The following C5 variants were observed in gnomAD, a reference collection of about 807,000 sequenced individuals.
The protein encoded by C5 is complement C5.
C5 carries 140 observed loss-of-function variants against 218.8 expected under a neutral mutation model. The ratio of observed to expected loss-of-function variants is 0.64; its 90% CI spans 0.56 to 0.74. C5 has a LOEUF of 0.74. C5 is among the 30% of genes least tolerant of loss of function. The pLI is 0.00. For synonymous variants in C5, 614 were observed against 682.3 expected (o/e 0.90, Z 1.56); for missense variants, 1,700 against 1,969.6 (o/e 0.86, Z 2.59).
At chr9:120,957,103 A>G (rs1347704779) in intron 39 of C5, 182 bp downstream of exon 39, 13 of 518,728 alleles carry the variant, frequency 2.5e-5, no homozygotes, top group Non-Finnish European at 4.6e-5. Context: ...AATGAATTCA[A>G]TGAGAAATAT....
chr9:120,952,488 A>G lies in C5; in HGVS notation c.*251T>C, dbSNP rs2046751466. The G allele has an allele frequency of 4.9e-6, 2 of 406,018 alleles. No individual in the cohort carries two copies. Among genetic ancestry groups the G allele is most frequent in the East Asian group, 5.6e-5 (1 of 17,816 alleles). The allele number at this position is 406,018 out of a possible 1,614,324, so 25.2% of individuals were successfully genotyped here. ...GTGGTAGGTTTGAGGAGGTGTTCCA[A>G]TTTATTGTTTCCGGTGTCCAATAAC... On this transcript the variant is annotated 3_prime_UTR_variant, in exon 41 of 41. Transcript: ENST00000223642.
chr9:121,016,351 G>A lies in C5; in HGVS notation c.1899C>T (p.Gly633=), dbSNP rs1183184954. 1.9e-6 allele frequency: 3 copies of A among 1,614,058 alleles called. No homozygotes were observed. Among genetic ancestry groups the A allele is most frequent in the South Asian group, 2.2e-5 (2 of 91,082 alleles). The change falls in exon 15 of 41, where the codon GGC becomes GGT. Residue 633 remains glycine (G), a synonymous_variant. Coordinates refer to ENST00000223642, the MANE Select transcript of C5 (RefSeq NM_001735.3). The stretch of plus-strand genomic sequence containing the variant: ...TGTTGAGGCCACCACCTGCCCCACA[G>A]CCCAGATCACTCTTCTCTAAGAATT... ...VFQFLEKSDL[G]CGAGGGLNNA...
At chr9:120,991,328 TG>T in intron 22 of C5, 48 bp from the exon 23 acceptor site, 1 of 985,770 alleles carries the variant, frequency 1.0e-6, no homozygotes, top group East Asian at 2.4e-5. Flanking sequence ...AGGGGAAGAC[TG>T]TTTGCAGATT....
chr9:121,050,069 G>A, intron 1 of C5, 113 bp downstream of exon 1: 1 of 864,138 alleles, frequency 1.2e-6, no homozygotes, highest in East Asian at 2.4e-5. Flanking sequence ...CTATTCACTT[G>A]CTGTTCTCAG....
chr9:120,962,617 C>T, intron 36 of C5, 54 bp downstream of exon 36: 1 of 1,325,540 alleles, frequency 7.5e-7, no homozygotes, highest in Non-Finnish European at 1.1e-6. Context: ...TCTAAATGTT[C>T]TGGAAAGAAT....
chr9:121,015,153 A>G, intron 16 of C5, 46 bp downstream of exon 16: 1 of 1,223,474 alleles, frequency 8.2e-7, no homozygotes, highest in Non-Finnish European at 1.2e-6. Flanking sequence ...CAGTTTTTGA[A>G]TGATATGACC....
At position 120,963,659 on chromosome 9, in the gene C5, C is replaced by A; in HGVS notation, c.4300G>T (p.Ala1434Ser). ...MDISLPTGIS[A>S]NEEDLKALVE... ...ACGGCTTTTAAGTCTTCTTCATTTG[C>A]ACTGATTCCAGTAGGCAAGGAGATG... Residue 1434 changes from alanine (A) to serine (S), a missense_variant, in exon 34 of 41, where the codon GCA becomes TCA. Ala to Ser is a moderately conservative substitution (Grantham distance 99). Coordinates refer to ENST00000223642, the MANE Select transcript of C5 (RefSeq NM_001735.3). 6.2e-7 allele frequency: 1 copy of A among 1,613,240 alleles called. No homozygotes were observed. The highest frequency in any genetic ancestry group is 8.5e-7 in the Non-Finnish European group (1 of 1,179,276).
intron 22 of C5, among the ~76,000 whole-genome samples, chr9:120,992,363 T>C (rs1270110803): frequency 1.3e-5 from 2 of 152,232 alleles, no homozygotes; most frequent in Non-Finnish European, 2.9e-5. Flanking sequence ...GCTTAGTATA[T>C]ATGTGACGCT....
In C5 at chr9:121,027,297, T is replaced by G. The variant is rs1020690269; in HGVS notation, c.759-23A>C. On this transcript the variant is annotated intron_variant, in intron 7 of 40. Coordinates refer to ENST00000223642, the MANE Select transcript of C5 (RefSeq NM_001735.3). ...TATCTGTCAGACAATAGCATAAAAC[T>G]GTTTTACTAACATGGTTACAATAAC... 4.6e-5 allele frequency: 50 copies of G among 1,096,764 alleles called. No individual in the cohort carries two copies. The Admixed American group carries it at 6.7e-4, about 15-fold the overall frequency. 67.9% of individuals were successfully genotyped at this position (1,096,764 alleles called of 1,614,324 possible).
At chr9:121,026,323 G>A (rs904986728) in intron 8 of C5, among the ~76,000 whole-genome samples, 1 of 152,178 alleles carries the variant, frequency 6.6e-6, no homozygotes, top group Admixed American at 6.5e-5. Flanking sequence ...CCTAATCTCA[G>A]TTCCAGCAAT....
At chr9:120,981,798 TACAGAA>T in intron 27 of C5, 40 bp downstream of exon 27, 1 of 1,310,750 alleles carries the variant, frequency 7.6e-7, no homozygotes, top group Non-Finnish European at 1.1e-6. Context: ...CAGTATATAG[TACAGAA>T]ATAGATGATG....
At chr9:121,064,660 G>T in the C5 span, among the ~76,000 whole-genome samples, 1 of 152,060 alleles carries the variant, frequency 6.6e-6, no homozygotes, top group Non-Finnish European at 1.5e-5. Flanking sequence ...AAAAGCATTG[G>T]TAAAATATCA....
intron 17 of C5, among the ~76,000 whole-genome samples, chr9:121,013,402 T>C (rs1045603603): frequency 6.6e-6 from 1 of 151,540 alleles, no homozygotes; most frequent in Non-Finnish European, 1.5e-5. Flanking sequence ...TCTGGAAACA[T>C]GTATTGTGGT....
intron 28 of C5, among the ~76,000 whole-genome samples, chr9:120,978,302 T>C (rs1380667269): frequency 6.6e-6 from 1 of 152,234 alleles, no homozygotes; most frequent in Non-Finnish European, 1.5e-5. Context: ...AAAATTTTGA[T>C]GTGTATGTTT....
chr9:120,985,312 C>T (rs899961676), intron 25 of C5, among the ~76,000 whole-genome samples: 3 of 152,134 alleles, frequency 2.0e-5, no homozygotes, highest in Non-Finnish European at 4.4e-5. Flanking sequence ...TAGTTTAGTT[C>T]CTCATGTTTT....
At chr9:121,071,090 C>G in the C5 span, among the ~76,000 whole-genome samples, 1 of 152,152 alleles carries the variant, frequency 6.6e-6, no homozygotes, top group East Asian at 1.9e-4. Flanking sequence ...CAAGCGGATA[C>G]TTGAGGCCAG....
intron 28 of C5, 45 bp downstream of exon 28, chr9:120,980,038 G>A: frequency 1.8e-5 from 28 of 1,563,684 alleles, no homozygotes; most frequent in Non-Finnish European, 2.4e-5. Context: ...CAGACTTTAT[G>A]TCTTAGTGAA....
At position 121,018,252 on chromosome 9, in the gene C5, CAAAAAAAAA is replaced by C. The variant is rs1189613789; in HGVS notation, c.1507-409_1507-401del. ...TGTGCAACAGAGCAAGACTCTGTCT[CAAAAAAAAA>C]AAAAAAAAAAAAAAAAGACATACCA... On this transcript the variant is annotated intron_variant, in intron 12 of 40. Coordinates refer to ENST00000223642, the MANE Select transcript of C5 (RefSeq NM_001735.3). Among the ~76,000 whole-genome samples the C allele has an allele frequency of 8.4e-3, 356 of 42,218 alleles. 4 individuals are homozygous for C. Among genetic ancestry groups the C allele is most frequent in the African/African-American group, 0.031 (339 of 10,898 alleles). The allele number at this position is 42,218 out of a possible 152,430, so 27.7% of individuals were successfully genotyped here.
intron 25 of C5, among the ~76,000 whole-genome samples, chr9:120,985,975 T>C (rs1361549153): frequency 6.6e-6 from 1 of 152,172 alleles, no homozygotes; most frequent in Non-Finnish European, 1.5e-5. Context: ...AAGATAATAA[T>C]CAGAACAAGA....
Sources: gnomAD v4.1 joint callset for allele counts (sites outside exome capture counted in the v4.1 genomes callset) on GRCh38, gnomAD v4.1.1 for gene constraint, MANE v1.5 for transcripts, NCBI Gene and HGNC (gene_info 2026-07-23, HGNC 2026-07-21) for gene names.